RYR3: variants seen among roughly 807,000 people sequenced by gnomAD.
RYR3 encodes ryanodine receptor 3.
In RYR3, 207 loss-of-function variants were observed where a neutral mutation model predicts 584.3. That is an observed-to-expected ratio of 0.35 (90% CI 0.32 to 0.40). The LOEUF is 0.40. Among genes scored for constraint, RYR3 ranks in the 10% least tolerant of loss-of-function variants. The probability of loss-of-function intolerance (pLI) is 1.00; values close to 1 mark genes in which losing one functional copy is unlikely to be tolerated. For missense variants in RYR3, 5,616 were observed against 6,089.2 expected, an observed-to-expected ratio of 0.92 and a Z score of 2.59; for synonymous variants, 2,416 against 2,248.5, an observed-to-expected ratio of 1.07 and a Z score of -2.11.
At chr15:33,518,724 C>A (rs993459640) in intron 3 of RYR3, among the ~76,000 whole-genome samples, 2 of 152,164 alleles carry the variant, frequency 1.3e-5, no homozygotes, top group African/African-American at 4.8e-5. Context: ...TTTATTTTTC[C>A]AGTTGTCAGA....
chr15:33,546,218 T>C (rs1009499665), intron 8 of RYR3, among the ~76,000 whole-genome samples: 4 of 152,306 alleles, frequency 2.6e-5, no homozygotes, highest in South Asian at 2.1e-4. Flanking sequence ...GAGAATCTTC[T>C]AGTTCCAGCT....
intron 1 of RYR3, among the ~76,000 whole-genome samples, chr15:33,461,239 C>T (rs571399070): frequency 1.3e-5 from 2 of 152,214 alleles, no homozygotes; most frequent in African/African-American, 4.8e-5. Context: ...CCACCGCGCC[C>T]GGCCTACTAA....
chr15:33,349,106 CTT>C (rs749996197), intron 1 of RYR3, among the ~76,000 whole-genome samples: 21 of 113,526 alleles, frequency 1.8e-4, no homozygotes, highest in African/African-American at 5.0e-4. Flanking sequence ...TAGCTTGTGC[CTT>C]TTTTTTTTTT....
At chr15:33,731,251 T>TTG (rs1423346763) in intron 47 of RYR3, among the ~76,000 whole-genome samples, 1 of 134,718 alleles carries the variant, frequency 7.4e-6, no homozygotes, top group Non-Finnish European at 1.7e-5. Flanking sequence ...TATGATTTTT[T>TTG]TGTGTGTTTT....
chr15:33,504,119 G>T (rs961119709), intron 3 of RYR3, among the ~76,000 whole-genome samples: 10 of 152,198 alleles, frequency 6.6e-5, no homozygotes, highest in African/African-American at 2.4e-4. Context: ...AGTTAGGACT[G>T]CTCCAATGGA....
intron 2 of RYR3, among the ~76,000 whole-genome samples, chr15:33,489,191 C>T (rs972402470): frequency 1.3e-5 from 2 of 152,222 alleles, no homozygotes; most frequent in South Asian, 2.1e-4. Flanking sequence ...ACATTTACAT[C>T]GACAGCTTTA....
chr15:33,450,103 A>AAAAAC (rs2046998704), intron 1 of RYR3, among the ~76,000 whole-genome samples: 1 of 149,670 alleles, frequency 6.7e-6, no homozygotes, highest in Non-Finnish European at 1.5e-5. Flanking sequence ...AAAAAAAAAA[A>AAAAAC]AAAAAAAAGC....
intron 1 of RYR3, among the ~76,000 whole-genome samples, chr15:33,343,369 T>C (rs1463023001): frequency 6.6e-6 from 1 of 152,222 alleles, no homozygotes; most frequent in Non-Finnish European, 1.5e-5. Flanking sequence ...CCTATCTCTT[T>C]TACAGTCTAA....
At chr15:33,352,355 G>T (rs150580641) in intron 1 of RYR3, among the ~76,000 whole-genome samples, 1 of 152,068 alleles carries the variant, frequency 6.6e-6, no homozygotes, top group Non-Finnish European at 1.5e-5. Flanking sequence ...TACTCTCAGA[G>T]AATAGCTCTG....
chr15:33,678,690 G>A lies in RYR3; in HGVS notation c.5860+8134G>A, dbSNP rs76977658. ...ACCCAAAAATTAAATACAGACCTGA[G>A]ATGTGTCCTGCTGTTTCCTGTGGAG... On this transcript the variant is annotated intron_variant, in intron 38 of 103. Transcript: ENST00000634891. 4.3e-3 allele frequency among the ~76,000 whole-genome samples: 652 copies of A among 152,332 alleles called. 4 individuals are homozygous for A. Among genetic ancestry groups the A allele is most frequent in the African/African-American group, 0.015 (634 of 41,582 alleles).
At chr15:33,337,394 C>G (rs1270120373) in intron 1 of RYR3, among the ~76,000 whole-genome samples, 2 of 152,158 alleles carry the variant, frequency 1.3e-5, no homozygotes, top group African/African-American at 4.8e-5. Flanking sequence ...TAGGCAAATT[C>G]TACAGCAACA....
At chr15:33,464,507 T>TACACACACATACATATACAC (rs60729541) in intron 1 of RYR3, among the ~76,000 whole-genome samples, 1 of 121,060 alleles carries the variant, frequency 8.3e-6, no homozygotes, top group African/African-American at 2.9e-5. Context: ...TATATATACA[T>TACACACACATACATATACAC]ACACATACAC....
chr15:33,499,393 A>T (rs2051749409), intron 2 of RYR3, among the ~76,000 whole-genome samples: 1 of 151,614 alleles, frequency 6.6e-6, no homozygotes, highest in Non-Finnish European at 1.5e-5. Context: ...GCTTCCTCAC[A>T]TGTTTTCTTA....
intron 87 of RYR3, among the ~76,000 whole-genome samples, chr15:33,836,207 G>A (rs571316535): frequency 5.3e-4 from 80 of 149,810 alleles, no homozygotes; most frequent in Non-Finnish European, 9.6e-4. Context: ...TGTGAGGGGG[G>A]GGTCTGTAAA....
chr15:33,357,699 A>G (rs1369522264), intron 1 of RYR3, among the ~76,000 whole-genome samples: 1 of 152,200 alleles, frequency 6.6e-6, no homozygotes, highest in African/African-American at 2.4e-5. Context: ...CTTTCACTTA[A>G]AAAAAGAAAA....
chr15:33,452,323 A>G (rs997098762), intron 1 of RYR3, among the ~76,000 whole-genome samples: 1 of 152,164 alleles, frequency 6.6e-6, no homozygotes, highest in African/African-American at 2.4e-5. Flanking sequence ...GTGGCTTTGG[A>G]TCGGTAATCT....
intron 1 of RYR3, among the ~76,000 whole-genome samples, chr15:33,463,192 A>G (rs1019951675): frequency 3.3e-5 from 5 of 152,074 alleles, no homozygotes; most frequent in Admixed American, 2.6e-4. Flanking sequence ...TTTCAGAGCA[A>G]TGTTAGAACC....
intron 65 of RYR3, among the ~76,000 whole-genome samples, chr15:33,782,645 C>A (rs1490999084): frequency 6.6e-6 from 1 of 151,960 alleles, no homozygotes; most frequent in East Asian, 1.9e-4. Context: ...GGATAAAGGG[C>A]GGGGAGGAAT....
intron 2 of RYR3, among the ~76,000 whole-genome samples, chr15:33,492,426 C>G (rs997802952): frequency 7.3e-5 from 11 of 149,662 alleles, no homozygotes; most frequent in African/African-American, 2.7e-4. Flanking sequence ...TTTTTTAAAT[C>G]TAGAATTTGG....
Sources: gnomAD v4.1 joint callset for allele counts (sites outside exome capture counted in the v4.1 genomes callset) on GRCh38, gnomAD v4.1.1 for gene constraint, MANE v1.5 for transcripts, NCBI Gene and HGNC (gene_info 2026-07-23, HGNC 2026-07-21) for gene names.